CSMD1: variants seen among roughly 807,000 people sequenced by gnomAD.
CSMD1 encodes CUB and sushi domain-containing protein 1.
In CSMD1, 213 loss-of-function variants were observed where a neutral mutation model predicts 417.5. The ratio of observed to expected loss-of-function variants is 0.51; its 90% CI spans 0.46 to 0.57. The LOEUF (loss-of-function observed/expected upper bound fraction) is 0.57, where lower values mean the gene tolerates loss of function less well. Among genes scored for constraint, CSMD1 ranks in the 20% least tolerant of loss-of-function variants. The pLI, the probability that CSMD1 is intolerant of heterozygous loss-of-function variation, is 0.00. For synonymous variants in CSMD1, 2,862 were observed against 1,736.8 expected, an observed-to-expected ratio of 1.65 and a Z score of -16.11; for missense variants, 6,923 against 4,529.7, an observed-to-expected ratio of 1.53 and a Z score of -15.17.
At chr8:3,755,178 G>A (rs2720864) in intron 5 of CSMD1, among the ~76,000 whole-genome samples, 5 of 152,182 alleles carry the variant, frequency 3.3e-5, no homozygotes, top group Admixed American at 1.3e-4. Context: ...TAGTTTTTCA[G>A]TGGCATAAGC....
chr8:4,256,377 A>G (rs1039643459), intron 3 of CSMD1, among the ~76,000 whole-genome samples: 1 of 152,172 alleles, frequency 6.6e-6, no homozygotes, highest in Non-Finnish European at 1.5e-5. Flanking sequence ...CATTGCTCTG[A>G]TTACTACACC....
At chr8:4,229,872 T>G (rs1801605715) in intron 3 of CSMD1, among the ~76,000 whole-genome samples, 1 of 152,222 alleles carries the variant, frequency 6.6e-6, no homozygotes, top group Non-Finnish European at 1.5e-5. Context: ...TCTGCCCCAG[T>G]GTTGAAATCT....
chr8:3,173,872 A>G (rs1034321168), intron 37 of CSMD1, among the ~76,000 whole-genome samples: 3 of 152,200 alleles, frequency 2.0e-5, no homozygotes, highest in Admixed American at 6.5e-5. Flanking sequence ...GATTATTGTA[A>G]TTATAGGGGC....
chr8:4,828,105 T>C (rs895467793), intron 1 of CSMD1, among the ~76,000 whole-genome samples: 2 of 152,140 alleles, frequency 1.3e-5, no homozygotes, highest in Non-Finnish European at 1.5e-5. Context: ...GACAAAGGTA[T>C]ACAAAGTTGA....
intron 6 of CSMD1, among the ~76,000 whole-genome samples, chr8:3,726,989 C>G (rs1030143550): frequency 3.3e-5 from 5 of 152,140 alleles, no homozygotes; most frequent in Non-Finnish European, 5.9e-5. Context: ...CACCAGTAAA[C>G]ACTGTGAACA....
intron 3 of CSMD1, among the ~76,000 whole-genome samples, chr8:4,256,324 C>A (rs777634295): frequency 6.6e-6 from 1 of 152,156 alleles, no homozygotes; most frequent in Non-Finnish European, 1.5e-5. Context: ...GCAGAAAGAC[C>A]AGCTCTGAAT....
At chr8:3,724,843 T>C (rs902734012) in intron 6 of CSMD1, among the ~76,000 whole-genome samples, 4 of 152,254 alleles carry the variant, frequency 2.6e-5, no homozygotes, top group African/African-American at 4.8e-5. Flanking sequence ...TTAACGGTGA[T>C]GGCAGATATC....
At chr8:3,647,236 C>G (rs1021951512) in intron 7 of CSMD1, among the ~76,000 whole-genome samples, 1 of 152,154 alleles carries the variant, frequency 6.6e-6, no homozygotes. Flanking sequence ...GAAACTTCAG[C>G]AAGGGATGAG....
At chr8:3,735,577 G>C (rs939729494) in intron 6 of CSMD1, among the ~76,000 whole-genome samples, 4 of 152,180 alleles carry the variant, frequency 2.6e-5, no homozygotes, top group African/African-American at 7.2e-5. Flanking sequence ...AGCATGACTT[G>C]CTTCAGTGTC....
intron 8 of CSMD1, among the ~76,000 whole-genome samples, chr8:3,602,445 C>G (rs1333993832): frequency 6.6e-6 from 1 of 151,998 alleles, no homozygotes; most frequent in African/African-American, 2.4e-5. Context: ...GGGAATGGCC[C>G]CAAAATCAAT....
At chr8:3,132,995 C>G (rs79903962) in intron 41 of CSMD1, among the ~76,000 whole-genome samples, 355 of 152,300 alleles carry the variant, frequency 2.3e-3, no homozygotes, top group African/African-American at 8.3e-3. Flanking sequence ...TGGGAGGAAC[C>G]TCTCCCACTT....
At chr8:4,216,655 A>G (rs1280980221) in intron 3 of CSMD1, among the ~76,000 whole-genome samples, 1 of 152,154 alleles carries the variant, frequency 6.6e-6, no homozygotes, top group East Asian at 1.9e-4. Flanking sequence ...TCTTTCGTAA[A>G]TGACTGAGTG....
chr8:4,392,760 G>C (rs1482371387), intron 3 of CSMD1, among the ~76,000 whole-genome samples: 3 of 151,714 alleles, frequency 2.0e-5, no homozygotes, highest in East Asian at 3.9e-4. Flanking sequence ...ACGAGGTCAA[G>C]AGATTGAGAA....
At chr8:3,893,493 A>G (rs142665457) in intron 5 of CSMD1, among the ~76,000 whole-genome samples, 1 of 151,682 alleles carries the variant, frequency 6.6e-6, no homozygotes, top group South Asian at 2.1e-4. Flanking sequence ...AAACCAGAAC[A>G]TTTATTACAA....
chr8:3,820,575 G>C (rs1050674606), intron 5 of CSMD1, among the ~76,000 whole-genome samples: 1 of 152,002 alleles, frequency 6.6e-6, no homozygotes, highest in Non-Finnish European at 1.5e-5. Flanking sequence ...TTTTGTTTTT[G>C]TTGTTGTTTG....
intron 3 of CSMD1, among the ~76,000 whole-genome samples, chr8:4,249,288 G>A (rs771160001): frequency 1.3e-5 from 2 of 152,186 alleles, no homozygotes; most frequent in Non-Finnish European, 2.9e-5. Flanking sequence ...TAAAGTTATG[G>A]AAGGTAGGAT....
intron 3 of CSMD1, among the ~76,000 whole-genome samples, chr8:4,408,502 C>G (rs747591911): frequency 2.6e-5 from 4 of 152,182 alleles, no homozygotes; most frequent in African/African-American, 4.8e-5. Flanking sequence ...ACTTCTTTAT[C>G]TCAAGCTTCT....
At chr8:4,962,416 G>A (rs534406015) in intron 1 of CSMD1, among the ~76,000 whole-genome samples, 10 of 151,984 alleles carry the variant, frequency 6.6e-5, no homozygotes, top group East Asian at 3.9e-4. Context: ...TTTCTATGTC[G>A]CCAAAGCTGG....
chr8:4,888,838 T>C (rs904426892), intron 1 of CSMD1, among the ~76,000 whole-genome samples: 1 of 152,220 alleles, frequency 6.6e-6, no homozygotes, highest in South Asian at 2.1e-4. Flanking sequence ...AATAGGCATC[T>C]GGGAGATTTT....
Sources: allele counts gnomAD v4.1 joint callset (sites outside exome capture counted in the v4.1 genomes callset), GRCh38; gene constraint gnomAD v4.1.1; transcripts MANE v1.5; gene names NCBI Gene and HGNC (gene_info 2026-07-23, HGNC 2026-07-21).